HS3ST1: variants seen among roughly 807,000 people sequenced by gnomAD.
The protein encoded by HS3ST1 is heparan sulfate glucosamine 3-O-sulfotransferase 1.
In HS3ST1, 8 loss-of-function variants were observed where a neutral mutation model predicts 20.7. That is an observed-to-expected ratio of 0.39 (90% confidence interval 0.23 to 0.70). The LOEUF (loss-of-function observed/expected upper bound fraction) is 0.70. Ranked by LOEUF, HS3ST1 falls within the 30% of genes least tolerant of loss-of-function variation. The pLI is 0.46. For synonymous variants in HS3ST1, 205 were observed against 190.4 expected (o/e 1.08, Z -0.63); for missense variants, 436 against 423.4 (o/e 1.03, Z -0.26).
intron 1 of HS3ST1, among the ~76,000 whole-genome samples, chr4:11,402,038 A>G (rs1252261954): frequency 6.6e-6 from 1 of 152,258 alleles, no homozygotes; most frequent in Non-Finnish European, 1.5e-5. Flanking sequence ...TTACAAAGCT[A>G]GTAAAAATAT....
rs1207377074 is a variant in HS3ST1, at chr4:11,399,472, C to T, written c.534G>A (p.Leu178=). ...CCACATTGAGCCTGCCATCGCGCACCAGGAACTCCTCGATGGACGGGTAGG... is the reference window on the plus strand; with the variant it reads ...CCACATTGAGCCTGCCATCGCGCACTAGGAACTCCTCGATGGACGGGTAGG... The part of the protein sequence containing the change: ...HKPYPSIEEF[L]VRDGRLNVDY... Residue 178 remains leucine, a synonymous_variant, in exon 2 of 2, where the codon CTG becomes CTA. Coordinates refer to ENST00000002596, the MANE Select transcript of HS3ST1 (RefSeq NM_005114.4). The surrounding 1 kb of genome is among the most constrained non-coding windows in gnomAD (Gnocchi z 5.1). 1 of 1,613,988 alleles carries T rather than the reference C, an allele frequency of 6.2e-7. No individual in the cohort carries two copies. The highest frequency in any genetic ancestry group is 2.2e-5 in the East Asian group (1 of 44,848).
intron 1 of HS3ST1, among the ~76,000 whole-genome samples, chr4:11,403,957 G>A (rs1164181502): frequency 6.6e-6 from 1 of 152,198 alleles, no homozygotes; most frequent in African/African-American, 2.4e-5. Context: ...AATATATTGT[G>A]TATAACATAT....
intron 1 of HS3ST1, among the ~76,000 whole-genome samples, chr4:11,417,239 C>T (rs1465091528): frequency 6.6e-6 from 1 of 152,098 alleles, no homozygotes; most frequent in East Asian, 1.9e-4. Flanking sequence ...TTAAAATAAT[C>T]AGTAAATGCA....
chr4:11,416,547 C>G (rs750394827), intron 1 of HS3ST1, among the ~76,000 whole-genome samples: 3 of 152,186 alleles, frequency 2.0e-5, no homozygotes, highest in Non-Finnish European at 4.4e-5. Flanking sequence ...ACCTACATCT[C>G]TGTCCCTCCT....
intron 1 of HS3ST1, among the ~76,000 whole-genome samples, chr4:11,402,679 C>A (rs1718356068): frequency 6.6e-6 from 1 of 152,186 alleles, no homozygotes; most frequent in Non-Finnish European, 1.5e-5. Context: ...ACTGCTATCA[C>A]CATCTTATAG....
In HS3ST1 at chr4:11,408,006, G is replaced by C. The variant is rs138530635; in HGVS notation, c.-108-7893C>G. 2.0e-5 allele frequency among the ~76,000 whole-genome samples: 3 copies of C among 152,232 alleles called. No individual in the cohort carries two copies. The East Asian group carries it at 5.8e-4, about 29-fold the overall frequency. On this transcript the variant is annotated intron_variant, in intron 1 of 1. Transcript: ENST00000002596. ...TTTGTTTGTTTCCTACTGTTGTTGG[G>C]GTAGTATATTTTTAATTCCAGGACT... is the stretch of plus-strand genomic sequence containing the variant.
Position 11,398,863 on chromosome 4 carries a change from AT to A in HS3ST1, c.*218del, listed in dbSNP as rs993067048. 12 of 469,628 alleles carry A rather than the reference AT, an allele frequency of 2.6e-5. No homozygotes were observed. The highest frequency in any genetic ancestry group is 1.2e-4 in the Admixed American group (3 of 25,786). The allele number at this position is 469,628 out of a possible 1,614,324, so 29.1% of individuals were successfully genotyped here. ...CCTTCATATAGAGACATATTACACAATGTTAACAACCATGAAAAACAATACA... is the reference window on the plus strand; with the variant it reads ...CCTTCATATAGAGACATATTACACAAGTTAACAACCATGAAAAACAATACA... On this transcript the variant is annotated 3_prime_UTR_variant, in exon 2 of 2. Coordinates refer to ENST00000002596, the MANE Select transcript of HS3ST1 (RefSeq NM_005114.4).
At chr4:11,403,005 A>T (rs1388673420) in intron 1 of HS3ST1, among the ~76,000 whole-genome samples, 6 of 152,222 alleles carry the variant, frequency 3.9e-5, no homozygotes, top group Non-Finnish European at 8.8e-5. Context: ...TTATGTCTAG[A>T]CCTTTTTCAT....
chr4:11,404,828 C>T (rs1165644050), intron 1 of HS3ST1, among the ~76,000 whole-genome samples: 2 of 152,226 alleles, frequency 1.3e-5, no homozygotes, highest in East Asian at 3.8e-4. Flanking sequence ...GCAATTGCTA[C>T]TGAGCAGGCA....
intron 1 of HS3ST1, among the ~76,000 whole-genome samples, chr4:11,421,067 A>G (rs1718919860): frequency 6.6e-6 from 1 of 151,700 alleles, no homozygotes; most frequent in Non-Finnish European, 1.5e-5. Flanking sequence ...TGAAACTCAA[A>G]TTGAATTAGG....
At chr4:11,408,505 G>T (rs1019112590) in intron 1 of HS3ST1, among the ~76,000 whole-genome samples, 4 of 152,214 alleles carry the variant, frequency 2.6e-5, no homozygotes, top group Non-Finnish European at 5.9e-5. Context: ...AGAAGGGCAC[G>T]CAGTGGCTGT....
rs2108879460 is a variant in HS3ST1, at chr4:11,399,646, G to A, written c.360C>T (p.Thr120=). The A allele has an allele frequency of 5.0e-6, 8 of 1,613,956 alleles. No individual in the cohort carries two copies. The highest frequency in any genetic ancestry group is 6.8e-6 in the Non-Finnish European group (8 of 1,180,036). Residue 120 remains threonine (T), a synonymous_variant, in exon 2 of 2, where the codon ACC becomes ACT. Transcript: ENST00000002596. The surrounding 1 kb of genome is among the most constrained non-coding windows in gnomAD (Gnocchi z 5.1). ...SWPHQLTVEK[T]PAYFTSPKVP... ...CTTTGGGCGACGTGAAATACGCGGG[G>A]GTCTTCTCCACTGTGAGCTGGTGTG...
At chr4:11,427,516 C>T (rs1719092638) in intron 1 of HS3ST1, among the ~76,000 whole-genome samples, 1 of 152,190 alleles carries the variant, frequency 6.6e-6, no homozygotes, top group Non-Finnish European at 1.5e-5. Flanking sequence ...TCCCTAGAAT[C>T]CCCCCAAAAG....
At chr4:11,422,640 C>T (rs551114561) in intron 1 of HS3ST1, among the ~76,000 whole-genome samples, 34 of 151,388 alleles carry the variant, frequency 2.2e-4, no homozygotes, top group South Asian at 8.4e-4. Flanking sequence ...GCCTTGTGAA[C>T]GACAATCAAT....
At chr4:11,406,129 A>C (rs1300370592) in intron 1 of HS3ST1, among the ~76,000 whole-genome samples, 1 of 152,242 alleles carries the variant, frequency 6.6e-6, no homozygotes, top group Non-Finnish European at 1.5e-5. Flanking sequence ...AAGGGTTAGA[A>C]GGAAAGAGAT....
intron 1 of HS3ST1, among the ~76,000 whole-genome samples, chr4:11,402,973 T>A (rs1436517385): frequency 6.6e-6 from 1 of 152,248 alleles, no homozygotes; most frequent in Non-Finnish European, 1.5e-5. Flanking sequence ...TGTATTTTAA[T>A]CCTTTCTAAA....
At position 11,397,384 on chromosome 4, in the gene HS3ST1, A is replaced by G. The variant is rs1039575524; in HGVS notation, c.*1698T>C. On this transcript the variant is annotated 3_prime_UTR_variant, in exon 2 of 2. Coordinates refer to ENST00000002596, the MANE Select transcript of HS3ST1 (RefSeq NM_005114.4). ...CGTACCAAGGTGACTCACTTCCCTG[A>G]TAACACTGCTGAGAAAAATGCAGGC... is the stretch of plus-strand genomic sequence containing the variant. 6.6e-6 allele frequency: 1 copy of G among 152,482 alleles called. No homozygotes were observed. Among genetic ancestry groups the G allele is most frequent in the Non-Finnish European group, 1.5e-5 (1 of 68,244 alleles). The allele number at this position is 152,482 out of a possible 1,614,324, so 9.4% of individuals were successfully genotyped here.
Position 11,395,937 on chromosome 4 carries a change from C to T in HS3ST1, c.*3145G>A, listed in dbSNP as rs1718129439. On this transcript the variant is annotated 3_prime_UTR_variant, in exon 2 of 2. Transcript: ENST00000002596. The stretch of plus-strand genomic sequence containing the variant: ...CCTTTGTACTCCAAGACCCTCTGTA[C>T]TTTTATTAAAGTCCAGAACAAACAG... 6.6e-6 allele frequency: 1 copy of T among 152,202 alleles called. No individual in the cohort carries two copies. The highest frequency in any genetic ancestry group is 1.5e-5 in the Non-Finnish European group (1 of 68,038). 9.4% of individuals were successfully genotyped at this position (152,202 alleles called of 1,614,324 possible).
At chr4:11,405,875 G>A (rs1002590587) in intron 1 of HS3ST1, among the ~76,000 whole-genome samples, 12 of 152,130 alleles carry the variant, frequency 7.9e-5, no homozygotes, top group Non-Finnish European at 1.6e-4. Context: ...GTAATTAACT[G>A]TAATATATTC....
Sources: gnomAD v4.1 joint callset for allele counts (sites outside exome capture counted in the v4.1 genomes callset) on GRCh38, gnomAD v4.1.1 for gene constraint, Gnocchi (gnomAD v3.1) non-coding constraint, MANE v1.5 for transcripts, NCBI Gene and HGNC (gene_info 2026-07-23, HGNC 2026-07-21) for gene names.